CNTN3: variants seen among roughly 807,000 people sequenced by gnomAD.
CNTN3 encodes contactin-3.
CNTN3 carries 60 observed loss-of-function variants against 119.1 expected under a neutral mutation model. The ratio of observed to expected loss-of-function variants is 0.50; its 90% CI spans 0.41 to 0.62. The LOEUF (loss-of-function observed/expected upper bound fraction) is 0.62, where lower values mean the gene tolerates loss of function less well. Ranked by LOEUF, CNTN3 falls within the 20% of genes least tolerant of loss-of-function variation. CNTN3 has a pLI of 0.00. For synonymous variants in CNTN3, 450 were observed against 438.7 expected (o/e 1.03, Z -0.32); for missense variants, 1,101 against 1,242.4 (o/e 0.89, Z 1.71).
intron 4 of CNTN3, among the ~76,000 whole-genome samples, chr3:74,443,532 G>C (rs554162187): frequency 1.3e-5 from 2 of 152,098 alleles, no homozygotes; most frequent in Non-Finnish European, 2.9e-5. Context: ...GGCTGATGTG[G>C]TTTAGAATGA....
At chr3:74,534,449 A>G (rs1223040891) in intron 1 of CNTN3, among the ~76,000 whole-genome samples, 1 of 151,996 alleles carries the variant, frequency 6.6e-6, no homozygotes. Flanking sequence ...TGGAATCTTA[A>G]AGAACTATTT....
At chr3:74,438,203 A>G (rs1183839070) in intron 4 of CNTN3, among the ~76,000 whole-genome samples, 1 of 151,786 alleles carries the variant, frequency 6.6e-6, no homozygotes, top group Admixed American at 6.6e-5. Context: ...AGTGTAGATT[A>G]AAATGTCTCA....
In CNTN3 at chr3:74,336,603, C is replaced by T. The variant is rs1239838422; in HGVS notation, c.1420G>A (p.Ala474Thr). 6.2e-7 allele frequency: 1 copy of T among 1,612,604 alleles called. No homozygotes were observed. The highest frequency in any genetic ancestry group is 8.5e-7 in the Non-Finnish European group (1 of 1,178,962). The change falls in exon 12 of 23, where the codon GCT becomes ACT. Residue 474 changes from alanine (A) to threonine (T), a missense_variant. Ala to Thr is a moderately conservative substitution (Grantham distance 58, BLOSUM62 0). Coordinates refer to ENST00000263665, the MANE Select transcript of CNTN3 (RefSeq NM_020872.3). ...TCTGCCATGCAGGTGTAAGTTCCAG[C>T]ATCAGCTTTAGTCACATTGGCTATT... ...LKIANVTKADAGTYTCMAENQ... is the reference protein window; with the variant it reads ...LKIANVTKADTGTYTCMAENQ...
chr3:74,302,733 C>G lies in CNTN3; in HGVS notation c.1743G>C (p.Thr581=). 1 of 1,613,268 alleles carries G rather than the reference C, an allele frequency of 6.2e-7. No homozygotes were observed. Among genetic ancestry groups the G allele is most frequent in the African/African-American group, 1.3e-5 (1 of 74,990 alleles). The change falls in exon 14 of 23, where the codon ACG becomes ACC. Residue 581 remains threonine, a synonymous_variant. Coordinates refer to ENST00000263665, the MANE Select transcript of CNTN3 (RefSeq NM_020872.3). ...HSGKYVCMVQ[T]GVDSVSSAAD... The stretch of plus-strand genomic sequence containing the variant: ...CAGCAGATGAAACACTGTCCACCCC[C>G]GTTTGCACCATACAAACATATTTCC...
intron 11 of CNTN3, among the ~76,000 whole-genome samples, chr3:74,358,688 A>T (rs1477974544): frequency 6.7e-6 from 1 of 150,194 alleles, no homozygotes; most frequent in African/African-American, 2.5e-5. Flanking sequence ...TATACATGTG[A>T]CATGCTGGTG....
At chr3:74,451,539 T>C (rs1294573520) in intron 4 of CNTN3, among the ~76,000 whole-genome samples, 1 of 152,208 alleles carries the variant, frequency 6.6e-6, no homozygotes, top group Non-Finnish European at 1.5e-5. Context: ...TTTGTCAATT[T>C]TGGCTTTTGT....
chr3:74,514,854 T>C (rs1435566419), intron 2 of CNTN3, among the ~76,000 whole-genome samples: 1 of 152,074 alleles, frequency 6.6e-6, no homozygotes, highest in Non-Finnish European at 1.5e-5. Context: ...TACATACCTA[T>C]CTGTGGGAAA....
At chr3:74,492,649 C>T (rs953946097) in intron 3 of CNTN3, among the ~76,000 whole-genome samples, 2 of 152,134 alleles carry the variant, frequency 1.3e-5, no homozygotes, top group Admixed American at 6.6e-5. Context: ...ATGATAAAAA[C>T]TTTCATTGTC....
At chr3:74,330,987 T>C (rs558193753) in intron 13 of CNTN3, among the ~76,000 whole-genome samples, 6 of 152,298 alleles carry the variant, frequency 3.9e-5, no homozygotes, top group African/African-American at 1.4e-4. Flanking sequence ...AGGTTAAAAG[T>C]TTATAAAGTA....
intron 1 of CNTN3, among the ~76,000 whole-genome samples, chr3:74,595,048 T>G (rs1704778248): frequency 1.3e-5 from 2 of 152,030 alleles, no homozygotes; most frequent in South Asian, 2.1e-4. Flanking sequence ...TGATGGCCAG[T>G]GATGATGAGC....
At chr3:74,457,248 C>T (rs1180327306) in intron 4 of CNTN3, among the ~76,000 whole-genome samples, 1 of 151,826 alleles carries the variant, frequency 6.6e-6, no homozygotes, top group African/African-American at 2.4e-5. Context: ...TGATTGTTTC[C>T]AAAAGTCTAA....
intron 3 of CNTN3, among the ~76,000 whole-genome samples, chr3:74,490,552 C>A (rs1420992300): frequency 1.3e-5 from 2 of 152,030 alleles, no homozygotes; most frequent in Non-Finnish European, 2.9e-5. Flanking sequence ...ACATATTTAA[C>A]AGATGGAAAG....
chr3:74,423,520 A>G (rs1395507767), intron 5 of CNTN3, among the ~76,000 whole-genome samples: 2 of 152,178 alleles, frequency 1.3e-5, no homozygotes, highest in Non-Finnish European at 2.9e-5. Context: ...GTGGCGAGGC[A>G]GCACGTCCTT....
chr3:74,273,865 G>A lies in CNTN3; in HGVS notation c.2705-6487C>T, dbSNP rs541667265. Among the ~76,000 whole-genome samples the A allele has an allele frequency of 3.9e-5, 6 of 152,248 alleles. No homozygotes were observed. In the East Asian group the frequency reaches 9.7e-4, roughly 25 times the overall value. On this transcript the variant is annotated intron_variant, in intron 20 of 22. Coordinates refer to ENST00000263665, the MANE Select transcript of CNTN3 (RefSeq NM_020872.3). ...CGTGCAGACTTTATAGGTGGAGGAA[G>A]AATTAGAGCCCTTTTCTTTCCCAGC...
intron 20 of CNTN3, among the ~76,000 whole-genome samples, chr3:74,271,674 A>G (rs529720879): frequency 3.2e-4 from 49 of 152,316 alleles, no homozygotes; most frequent in African/African-American, 8.9e-4. Flanking sequence ...AAAAGTTGTT[A>G]TAACTAGTAG....
At chr3:74,467,969 A>G (rs531959085) in intron 4 of CNTN3, among the ~76,000 whole-genome samples, 4 of 152,350 alleles carry the variant, frequency 2.6e-5, no homozygotes, top group South Asian at 4.1e-4. Flanking sequence ...ATCTACTTCT[A>G]TTGCAATGGC....
chr3:74,450,801 C>T (rs1006131361), intron 4 of CNTN3, among the ~76,000 whole-genome samples: 10 of 151,156 alleles, frequency 6.6e-5, no homozygotes, highest in African/African-American at 1.7e-4. Flanking sequence ...CTGAGAATGA[C>T]GATTCCCAAT....
chr3:74,606,618 CA>C (rs1401221513), intron 1 of CNTN3, among the ~76,000 whole-genome samples: 2 of 151,616 alleles, frequency 1.3e-5, no homozygotes, highest in African/African-American at 2.4e-5. Context: ...TGAAAAATGA[CA>C]AAAAATGATA....
chr3:74,344,700 C>T (rs980126375), intron 11 of CNTN3, among the ~76,000 whole-genome samples: 3 of 151,920 alleles, frequency 2.0e-5, no homozygotes. Flanking sequence ...ACCTCGTGAT[C>T]CGCCCGCCTC....
Sources: allele counts gnomAD v4.1 joint callset (sites outside exome capture counted in the v4.1 genomes callset), GRCh38; gene constraint gnomAD v4.1.1; transcripts MANE v1.5; gene names NCBI Gene and HGNC (gene_info 2026-07-23, HGNC 2026-07-21).